Variants in UTP18 observed in about 807,000 individuals in gnomAD.
UTP18 encodes the protein U3 small nucleolar RNA-associated protein 18 homolog.
In UTP18, 36 loss-of-function variants were observed where a neutral mutation model predicts 61.1. The observed-to-expected ratio is 0.59, with a 90% CI of 0.45 to 0.78. The LOEUF is 0.78. Among genes scored for constraint, UTP18 ranks in the 30% least tolerant of loss-of-function variants. The pLI is 0.00. For missense variants in UTP18, 753 were observed against 693.9 expected (o/e 1.09, Z -0.96); for synonymous variants, 282 against 251.1 (o/e 1.12, Z -1.16).
intron 5 of UTP18, among the ~76,000 whole-genome samples, chr17:51,275,326 C>A (rs1053790761): frequency 6.6e-6 from 1 of 151,546 alleles, no homozygotes; most frequent in Non-Finnish European, 1.5e-5. Context: ...AAATAAATAA[C>A]AAAATAGTCC....
At chr17:51,281,164 A>ATATATATATATATATTT (rs59857038) in intron 9 of UTP18, among the ~76,000 whole-genome samples, 1 of 140,436 alleles carries the variant, frequency 7.1e-6, no homozygotes, top group African/African-American at 2.7e-5. Flanking sequence ...ATATATATAT[A>ATATATATATATATATTT]TTTTTTTTAA....
intron 2 of UTP18, 116 bp from the exon 3 acceptor site, chr17:51,266,066 T>G (rs2055557683): frequency 1.4e-6 from 1 of 726,052 alleles, no homozygotes; most frequent in Admixed American, 3.9e-5. Context: ...TGTTCACATC[T>G]TAAAAATCTT....
At chr17:51,286,011 A>G (rs1905101449) in intron 10 of UTP18, among the ~76,000 whole-genome samples, 1 of 152,222 alleles carries the variant, frequency 6.6e-6, no homozygotes, top group South Asian at 2.1e-4. Context: ...GTCATTGATG[A>G]GGAGATAGAA....
intron 8 of UTP18, 81 bp downstream of exon 8, chr17:51,280,186 C>T (rs1276726148): frequency 1.4e-6 from 2 of 1,436,554 alleles, no homozygotes; most frequent in African/African-American, 2.8e-5. Context: ...CTCAGTGTGT[C>T]CTTAAATCTG....
At chr17:51,293,865 A>C in intron 11 of UTP18, 38 bp from the exon 12 acceptor site, 4 of 1,458,478 alleles carry the variant, frequency 2.7e-6, no homozygotes, top group Non-Finnish European at 3.6e-6. Flanking sequence ...ATGAGCTCCC[A>C]GTTGTTACAC....
chr17:51,275,721 GTTT>G, intron 5 of UTP18, 142 bp from the exon 6 acceptor site: 13 of 654,406 alleles, frequency 2.0e-5, no homozygotes, highest in Non-Finnish European at 2.5e-5. Flanking sequence ...TTTGTTTTTT[GTTT>G]TTTTTTTTTG....
chr17:51,263,882 C>T lies in UTP18; in HGVS notation c.455+496C>T, dbSNP rs774577783. Among the ~76,000 whole-genome samples, 188 of 152,244 alleles carry T rather than the reference C, an allele frequency of 1.2e-3. 1 individual carries two copies. Among genetic ancestry groups the T allele is most frequent in the Non-Finnish European group, 9.9e-4 (67 of 68,008 alleles). On this transcript the variant is annotated intron_variant, in intron 2 of 13. Coordinates refer to ENST00000225298, the MANE Select transcript of UTP18 (RefSeq NM_016001.3). ...AGAATGTACTGTATGCTTGATTTAA[C>T]ATTTTGACTTTTTCTACATAAAGTT...
At chr17:51,269,107 C>T (rs1280129841) in intron 4 of UTP18, among the ~76,000 whole-genome samples, 2 of 151,664 alleles carry the variant, frequency 1.3e-5, no homozygotes. Flanking sequence ...GGTGACATGG[C>T]GAAACCCCAT....
rs759692114 is a variant in UTP18 at position 51,260,875 on chromosome 17, C to T, written c.291C>T (p.Gly97=). ...GGTGCTTGGAGGAGCTGGTCTTCGG[C>T]GACGTCGAGAACGACGAGGACGCGT... ...VERCLEELVF[G]DVENDEDALL... Residue 97 remains glycine, a synonymous_variant, in exon 1 of 14, where the codon GGC becomes GGT. Coordinates refer to ENST00000225298, the MANE Select transcript of UTP18 (RefSeq NM_016001.3). 6.2e-6 allele frequency: 10 copies of T among 1,601,356 alleles called. No homozygotes were observed. Among genetic ancestry groups the T allele is most frequent in the South Asian group, 1.1e-5 (1 of 89,316 alleles).
intron 12 of UTP18, among the ~76,000 whole-genome samples, chr17:51,295,034 A>C (rs1231897814): frequency 6.6e-6 from 1 of 151,884 alleles, no homozygotes; most frequent in Non-Finnish European, 1.5e-5. Flanking sequence ...TCCTTCGCCC[A>C]CTTTTTGATG....
Position 51,260,892 on chromosome 17 carries a change from A to G in UTP18, c.308A>G (p.Glu103Gly). 1 of 1,598,430 alleles carries G rather than the reference A, an allele frequency of 6.3e-7. No homozygotes were observed. Among genetic ancestry groups the G allele is most frequent in the Non-Finnish European group, 8.5e-7 (1 of 1,173,746 alleles). The change falls in exon 1 of 14, where the codon GAG (glutamate) becomes GGG (glycine). Residue 103 changes from glutamate (E) to glycine (G), a missense_variant. Coordinates refer to ENST00000225298, the MANE Select transcript of UTP18 (RefSeq NM_016001.3). ...GTCTTCGGCGACGTCGAGAACGACG[A>G]GGACGCGTTGCTGCGGCGTCTGCGA... The part of the protein sequence containing the change: ...ELVFGDVEND[E>G]DALLRRLRGP...
chr17:51,293,842 C>A, intron 11 of UTP18, 61 bp from the exon 12 acceptor site: 1 of 1,355,026 alleles, frequency 7.4e-7, no homozygotes, highest in Admixed American at 2.6e-5. Context: ...GTGAAGATTA[C>A]AATTTAAGAA....
intron 11 of UTP18, among the ~76,000 whole-genome samples, chr17:51,293,506 T>G (rs956800812): frequency 4.6e-5 from 7 of 151,792 alleles, no homozygotes; most frequent in Non-Finnish European, 7.4e-5. Flanking sequence ...GTTGTTGTTT[T>G]TTTTTTTTTT....
intron 12 of UTP18, chr17:51,296,701 T>A (rs1324488797): frequency 2.9e-6 from 1 of 347,092 alleles, no homozygotes; most frequent in African/African-American, 2.1e-5. Flanking sequence ...CTGATGACAT[T>A]TTTATTGTTT....
chr17:51,268,236 C>A (rs1904369740), intron 3 of UTP18, among the ~76,000 whole-genome samples: 1 of 152,076 alleles, frequency 6.6e-6, no homozygotes, highest in Non-Finnish European at 1.5e-5. Context: ...CCATGTTAGC[C>A]AGGATGGTCT....
chr17:51,270,794 A>G (rs183078228), intron 4 of UTP18, among the ~76,000 whole-genome samples: 1 of 152,324 alleles, frequency 6.6e-6, no homozygotes, highest in East Asian at 1.9e-4. Flanking sequence ...GATCCTAGGA[A>G]GTGTAGTTTG....
chr17:51,276,425 A>G (rs1019567469), intron 6 of UTP18, among the ~76,000 whole-genome samples: 1 of 152,246 alleles, frequency 6.6e-6, no homozygotes, highest in African/African-American at 2.4e-5. Context: ...TAGATTGAGA[A>G]GTGAAGAATA....
intron 1 of UTP18, among the ~76,000 whole-genome samples, chr17:51,262,967 TC>T (rs1568263043): frequency 6.6e-6 from 1 of 152,264 alleles, no homozygotes; most frequent in Non-Finnish European, 1.5e-5. Flanking sequence ...ACATTTCTCC[TC>T]CTTTTTTCAT....
intron 4 of UTP18, among the ~76,000 whole-genome samples, chr17:51,272,802 C>T (rs1376786965): frequency 6.6e-6 from 1 of 152,184 alleles, no homozygotes; most frequent in Non-Finnish European, 1.5e-5. Flanking sequence ...CTAGTTTTTC[C>T]CTTCTTAGCT....
Sources: allele counts gnomAD v4.1 joint callset (sites outside exome capture counted in the v4.1 genomes callset), GRCh38; gene constraint gnomAD v4.1.1; transcripts MANE v1.5; gene names NCBI Gene and HGNC (gene_info 2026-07-23, HGNC 2026-07-21).